The following MAB21L4 variants were observed in gnomAD, a reference collection of about 807,000 sequenced individuals.
MAB21L4 encodes the protein mab-21 like 4.
Under a neutral mutation model 32.4 loss-of-function variants are expected in MAB21L4, and 25 were observed. The ratio of observed to expected loss-of-function variants is 0.77; its 90% CI spans 0.56 to 1.08. The LOEUF (loss-of-function observed/expected upper bound fraction) is 1.08, where lower values mean the gene tolerates loss of function less well. MAB21L4 is among the 50% of genes least tolerant of loss of function. The pLI, the probability that MAB21L4 is intolerant of heterozygous loss-of-function variation, is 0.00. For synonymous variants in MAB21L4, 280 were observed against 276.8 expected, an observed-to-expected ratio of 1.01 and a Z score of -0.11; for missense variants, 638 against 611.0, an observed-to-expected ratio of 1.04 and a Z score of -0.47.
chr2:240,886,939 G>A lies in MAB21L4; in HGVS notation c.*131C>T. On this transcript the variant is annotated 3_prime_UTR_variant, in exon 5 of 5. Coordinates refer to ENST00000388934, the MANE Select transcript of MAB21L4 (RefSeq NM_001085437.3). ...AAGACTCTCAGAGGCCACTGCTGGG[G>A]ACAAAATCCCTCCACTACCCCCTCA... The A allele has an allele frequency of 1.5e-6, 1 of 682,770 alleles. No homozygotes were observed. The highest frequency in any genetic ancestry group is 2.5e-6 in the Non-Finnish European group (1 of 402,734). The allele number at this position is 682,770 out of a possible 1,614,324, so 42.3% of individuals were successfully genotyped here.
In MAB21L4 at chr2:240,888,452, C is replaced by G; in HGVS notation, c.1091G>C (p.Gly364Ala). 1 of 1,572,392 alleles carries G rather than the reference C, an allele frequency of 6.4e-7. No homozygotes were observed. Among genetic ancestry groups the G allele is most frequent in the Admixed American group, 1.8e-5 (1 of 55,660 alleles). The change falls in exon 4 of 5, where the codon GGC becomes GCC. Residue 364 changes from glycine (G) to alanine (A), a missense_variant. Physicochemically the swap from Gly to Ala is moderately conservative, Grantham distance 60. Transcript: ENST00000388934. ...DLGAIYQRVE[G>A]FASQPEAALR... is the part of the protein sequence containing the mutation. ...GGCCGCCTCGGGCTGGCTGGCGAAG[C>G]CCTCCACGCGCTGGTAGATGGCACC...
At position 240,888,461 on chromosome 2, in the gene MAB21L4, C is replaced by G; in HGVS notation, c.1082G>C (p.Arg361Pro). ...GGGCTGGCTGGCGAAGCCCTCCACG[C>G]GCTGGTAGATGGCACCAAGGTCCAG... ...SGLDLGAIYQRVEGFASQPEA... is the reference protein window; with the variant it reads ...SGLDLGAIYQPVEGFASQPEA... The change falls in exon 4 of 5, where the codon CGC becomes CCC. Residue 361 changes from arginine (R) to proline (P), a missense_variant. Arg to Pro is a moderately radical substitution (Grantham distance 103, BLOSUM62 -2). Coordinates refer to ENST00000388934, the MANE Select transcript of MAB21L4 (RefSeq NM_001085437.3). The G allele has an allele frequency of 6.3e-7, 1 of 1,586,006 alleles. No homozygotes were observed.
chr2:240,886,847 C>T lies in MAB21L4; in HGVS notation c.*223G>A, dbSNP rs754811285. 103 of 533,908 alleles carry T rather than the reference C, an allele frequency of 1.9e-4. No individual in the cohort carries two copies. Among genetic ancestry groups the T allele is most frequent in the Non-Finnish European group, 3.0e-4 (90 of 300,880 alleles). The allele number at this position is 533,908 out of a possible 1,614,324, so 33.1% of individuals were successfully genotyped here. A position where few individuals can be genotyped will look rare whatever the true frequency, so the allele number is the denominator to read the frequency against. ...ATGCACCACATGGAGAGCTTGGCACCTGCATCCAGGCCCTGACCCAGGGAG... is the reference window on the plus strand; with the variant it reads ...ATGCACCACATGGAGAGCTTGGCACTTGCATCCAGGCCCTGACCCAGGGAG... On this transcript the variant is annotated 3_prime_UTR_variant, in exon 5 of 5. Transcript: ENST00000388934.
rs780408345 is a variant in MAB21L4, at chr2:240,887,210, C to T, written c.1252-48G>A. The stretch of plus-strand genomic sequence containing the variant: ...GAAGGGTTACAGGGACCCCTGGAGC[C>T]CATGATAAGCTCTCAGGGCCGAGAG... On this transcript the variant is annotated intron_variant, in intron 4 of 4. Transcript: ENST00000388934. 5.4e-6 allele frequency: 8 copies of T among 1,494,326 alleles called. No homozygotes were observed. In the East Asian group the frequency reaches 1.8e-4, roughly 34 times the overall value. 92.6% of individuals were successfully genotyped at this position (1,494,326 alleles called of 1,614,324 possible).
chr2:240,892,132 T>C, intron 1 of MAB21L4: 1 of 1,232,866 alleles, frequency 8.1e-7, no homozygotes, highest in East Asian at 2.7e-5. Flanking sequence ...CAGGCCTTCC[T>C]GAGCCTGCTC....
chr2:240,890,195 C>T (rs770861288), intron 2 of MAB21L4, 37 bp from the exon 3 acceptor site: 21 of 1,568,420 alleles, frequency 1.3e-5, no homozygotes, highest in East Asian at 9.1e-5. Flanking sequence ...CAGCCCCCGC[C>T]GCTGTTGGCC....
At chr2:240,888,912 C>T (rs1253814221) in intron 3 of MAB21L4, among the ~76,000 whole-genome samples, 3 of 152,040 alleles carry the variant, frequency 2.0e-5, no homozygotes, top group African/African-American at 7.2e-5. Context: ...CCAGCTCCTC[C>T]TTTCACCCCC....
At chr2:240,893,737 G>A (rs951400841) in intron 1 of MAB21L4, among the ~76,000 whole-genome samples, 1 of 152,236 alleles carries the variant, frequency 6.6e-6, no homozygotes, top group Non-Finnish European at 1.5e-5. Context: ...TTTCTCAGGA[G>A]GCACTCTGGG....
chr2:240,895,998 C>A lies in MAB21L4; in HGVS notation c.-1G>T. The A allele has an allele frequency of 6.9e-7, 1 of 1,447,032 alleles. No homozygotes were observed. The highest frequency in any genetic ancestry group is 9.0e-7 in the Non-Finnish European group (1 of 1,105,144). The allele number at this position is 1,447,032 out of a possible 1,614,324, so 89.6% of individuals were successfully genotyped here. ...AGGTGGGGAGAGCAGGGGCAGGCAT[C>A]CCTTCAACAGTGGCAGGTGAGGGCC... On this transcript the variant is annotated 5_prime_UTR_variant, in exon 1 of 5. Coordinates refer to ENST00000388934, the MANE Select transcript of MAB21L4 (RefSeq NM_001085437.3).
intron 2 of MAB21L4, among the ~76,000 whole-genome samples, chr2:240,891,330 C>T (rs953695002): frequency 6.6e-6 from 1 of 152,220 alleles, no homozygotes; most frequent in African/African-American, 2.4e-5. Context: ...CAGATGCCAC[C>T]AGGCCCCTTT....
chr2:240,892,588 G>A (rs2059159602), intron 1 of MAB21L4, among the ~76,000 whole-genome samples: 1 of 152,036 alleles, frequency 6.6e-6, no homozygotes, highest in Non-Finnish European at 1.5e-5. Context: ...GGGCTGCCCA[G>A]GCCAGCAGGC....
At chr2:240,889,707 C>A (rs913968553) in intron 3 of MAB21L4, among the ~76,000 whole-genome samples, 18 of 152,134 alleles carry the variant, frequency 1.2e-4, no homozygotes, top group African/African-American at 4.1e-4. Flanking sequence ...CTCTGTGAGG[C>A]CCCACCCTGA....
chr2:240,890,178 A>G lies in MAB21L4; in HGVS notation c.741-20T>C. 3.2e-6 allele frequency: 5 copies of G among 1,578,970 alleles called. No homozygotes were observed. Among genetic ancestry groups the G allele is most frequent in the Non-Finnish European group, 4.3e-6 (5 of 1,158,576 alleles). The stretch of plus-strand genomic sequence containing the variant: ...GAGGTCCTGGGGCCCAGACAGACGC[A>G]CTGGGTCAGCCCCCGCCGCTGTTGG... On this transcript the variant is annotated intron_variant, in intron 2 of 4. Transcript: ENST00000388934.
intron 1 of MAB21L4, among the ~76,000 whole-genome samples, chr2:240,893,588 G>A (rs1445295954): frequency 6.6e-6 from 1 of 152,218 alleles, no homozygotes; most frequent in Non-Finnish European, 1.5e-5. Flanking sequence ...CCCAGGGTGG[G>A]GGCAGCCTGA....
Position 240,888,405 on chromosome 2 carries a change from G to C in MAB21L4, c.1138C>G (p.Leu380Val). 1.3e-6 allele frequency: 2 copies of C among 1,557,428 alleles called. No homozygotes were observed. Among genetic ancestry groups the C allele is most frequent in the Non-Finnish European group, 1.7e-6 (2 of 1,154,868 alleles). ...ATGCGCGGCGGGGGGCTGCGGCCCAGGTGGGTGGCGTGGATGCGCAGGGCC... is the reference window on the plus strand; with the variant it reads ...ATGCGCGGCGGGGGGCTGCGGCCCACGTGGGTGGCGTGGATGCGCAGGGCC... ...EAALRIHATH[L>V]GRSPPPRIGS... The change falls in exon 4 of 5, where the codon CTG becomes GTG. Residue 380 changes from leucine (L) to valine (V), a missense_variant. Coordinates refer to ENST00000388934, the MANE Select transcript of MAB21L4 (RefSeq NM_001085437.3).
Position 240,889,987 on chromosome 2 carries a change from G to C in MAB21L4, c.894+18C>G. Reference sequence around the variant, plus strand: ...GGGCCCTGGTGACAGACAACCCGCCGAGTCCCGCCCTGGGTACCTTCAGGT... The same window carrying C: ...GGGCCCTGGTGACAGACAACCCGCCCAGTCCCGCCCTGGGTACCTTCAGGT... On this transcript the variant is annotated intron_variant, in intron 3 of 4. Coordinates refer to ENST00000388934, the MANE Select transcript of MAB21L4 (RefSeq NM_001085437.3). 18 of 1,593,766 alleles carry C rather than the reference G, an allele frequency of 1.1e-5. No homozygotes were observed. Among genetic ancestry groups the C allele is most frequent in the Non-Finnish European group, 1.5e-5 (18 of 1,164,772 alleles).
At chr2:240,894,528 G>C (rs966854580) in intron 1 of MAB21L4, among the ~76,000 whole-genome samples, 10 of 152,204 alleles carry the variant, frequency 6.6e-5, no homozygotes, top group Non-Finnish European at 1.5e-4. Context: ...AGGTGGGCCT[G>C]GTGCTGTGGC....
At chr2:240,888,891 C>G (rs11893118) in intron 3 of MAB21L4, among the ~76,000 whole-genome samples, 103,352 of 150,948 alleles carry the variant, frequency 0.68, 36,361 homozygotes, top group African/African-American at 0.79. Context: ...CTCTGGCCCT[C>G]GCACCCCACC....
chr2:240,895,365 C>T, intron 1 of MAB21L4, 119 bp downstream of exon 1: 1 of 1,004,326 alleles, frequency 1.0e-6, no homozygotes, highest in Non-Finnish European at 1.4e-6. Flanking sequence ...ACAGTCGCCA[C>T]CCTGTGTGCA....
Sources: gnomAD v4.1 joint callset for allele counts (sites outside exome capture counted in the v4.1 genomes callset) on GRCh38, gnomAD v4.1.1 for gene constraint, MANE v1.5 for transcripts, NCBI Gene and HGNC (gene_info 2026-07-23, HGNC 2026-07-21) for gene names.